MPHOSPH9: variants seen among roughly 807,000 people sequenced by gnomAD.
MPHOSPH9 encodes the protein M-phase phosphoprotein 9.
In MPHOSPH9, 88 loss-of-function variants were observed where a neutral mutation model predicts 145.5. The observed-to-expected ratio is 0.60, with a 90% CI of 0.51 to 0.72. The LOEUF is 0.72. Among genes scored for constraint, MPHOSPH9 ranks in the 30% least tolerant of loss-of-function variants. The pLI, the probability that MPHOSPH9 is intolerant of heterozygous loss-of-function variation, is 0.00. For synonymous variants in MPHOSPH9, 435 were observed against 486.2 expected, an observed-to-expected ratio of 0.89 and a Z score of 1.39; for missense variants, 1,238 against 1,386.6, an observed-to-expected ratio of 0.89 and a Z score of 1.70.
upstream of MPHOSPH9, chr12:123,233,361 G>T (rs997164591): frequency 6.6e-6 from 1 of 152,294 alleles, no homozygotes; most frequent in Non-Finnish European, 1.5e-5. Context: ...AGGGAAAGAA[G>T]CTTCAGTTTC....
In MPHOSPH9 at chr12:123,159,131, C is replaced by A. The variant is rs1168109670; in HGVS notation, c.3450+1650G>T. Among the ~76,000 whole-genome samples, 1 of 152,132 alleles carries A rather than the reference C, an allele frequency of 6.6e-6. No homozygotes were observed. The highest frequency in any genetic ancestry group is 1.5e-5 in the Non-Finnish European group (1 of 68,002). The stretch of plus-strand genomic sequence containing the variant: ...AAGATTAGCCAAGACAACCCCACAC[C>A]TTTTAAAAAATGATCACATTGGCAG... On this transcript the variant is annotated intron_variant, in intron 23 of 23. Transcript: ENST00000606320. The surrounding 1 kb of genome is among the most constrained non-coding windows in gnomAD (Gnocchi z 4.3).
rs760965085 is a variant in MPHOSPH9 at position 123,199,788 on chromosome 12, C to CA, written c.1938-1455dup. Among the ~76,000 whole-genome samples, 724 of 83,238 alleles carry CA rather than the reference C, an allele frequency of 8.7e-3. 18 individuals are homozygous for CA. The highest frequency in any genetic ancestry group is 0.043 in the Admixed American group (320 of 7,368). The allele number at this position is 83,238 out of a possible 152,430, so 54.6% of individuals were successfully genotyped here. ...AGCCTAGGCGACAGAGACTCCATCT[C>CA]AAAAAAAAAAAAAAAGAAAGAAAGA... On this transcript the variant is annotated intron_variant, in intron 11 of 23. Coordinates refer to ENST00000606320, the MANE Select transcript of MPHOSPH9 (RefSeq NM_022782.4).
intron 12 of MPHOSPH9, among the ~76,000 whole-genome samples, chr12:123,197,512 G>A (rs551702292): frequency 4.6e-5 from 7 of 152,058 alleles, no homozygotes; most frequent in South Asian, 2.1e-4. Context: ...GGCCAGGTGC[G>A]GTGGCTCACA....
chr12:123,214,400 G>T (rs921850934), intron 7 of MPHOSPH9, among the ~76,000 whole-genome samples: 1 of 152,090 alleles, frequency 6.6e-6, no homozygotes, highest in African/African-American at 2.4e-5. Context: ...GCTGGGCATG[G>T]TGACACCGCC....
intron 15 of MPHOSPH9, among the ~76,000 whole-genome samples, chr12:123,177,098 G>C (rs531403387): frequency 1.4e-4 from 22 of 152,040 alleles, no homozygotes; most frequent in African/African-American, 5.1e-4. Context: ...GCTGAGGCAG[G>C]AGAATCACTT....
chr12:123,215,290 C>T (rs2046910640), intron 6 of MPHOSPH9, among the ~76,000 whole-genome samples: 1 of 151,430 alleles, frequency 6.6e-6, no homozygotes, highest in Non-Finnish European at 1.5e-5. Flanking sequence ...AGAATGCTAA[C>T]TGATAGGAAT....
chr12:123,155,447 A>G lies in MPHOSPH9; in HGVS notation c.*1360T>C, dbSNP rs963488790. On this transcript the variant is annotated 3_prime_UTR_variant, in exon 24 of 24. Transcript: ENST00000606320. ...GTCATTTGAGAGCCTGCTTGGAATA[A>G]CTGGGATGGCTTGGTTCATTCTAAC... is the stretch of plus-strand genomic sequence containing the variant. 2 of 152,158 alleles carry G rather than the reference A, an allele frequency of 1.3e-5. No individual in the cohort carries two copies. Among genetic ancestry groups the G allele is most frequent in the African/African-American group, 4.8e-5 (2 of 41,432 alleles). 9.4% of individuals were successfully genotyped at this position (152,158 alleles called of 1,614,324 possible).
Position 123,214,763 on chromosome 12 carries a change from C to T in MPHOSPH9, c.1068G>A (p.Trp356Ter). The T allele has an allele frequency of 2.5e-6, 4 of 1,612,426 alleles. No homozygotes were observed. Among genetic ancestry groups the T allele is most frequent in the Non-Finnish European group, 3.4e-6 (4 of 1,178,674 alleles). ...LSKPDETPNA[W>*]MSDSGTGLTY... ...TCATACCTGTTCCTGAATCAGACAT[C>T]CAAGCATTTGGAGTTTCATCTGGTT... The change falls in exon 7 of 24, where the codon TGG (tryptophan) becomes TGA (stop). Residue 356 changes from tryptophan to a stop codon, truncating the protein, a stop_gained. Coordinates refer to ENST00000606320, the MANE Select transcript of MPHOSPH9 (RefSeq NM_022782.4). LOFTEE classifies it high-confidence loss of function.
intron 5 of MPHOSPH9, among the ~76,000 whole-genome samples, chr12:123,219,024 T>A (rs1378415704): frequency 1.3e-5 from 2 of 151,866 alleles, no homozygotes; most frequent in African/African-American, 4.8e-5. Flanking sequence ...CACCTCAGCC[T>A]CCCTAGTAGA....
chr12:123,225,823 G>T (rs2047417394), intron 3 of MPHOSPH9, among the ~76,000 whole-genome samples: 1 of 152,104 alleles, frequency 6.6e-6, no homozygotes, highest in Admixed American at 6.6e-5. Context: ...ATTACCTGAG[G>T]TCAGGAGTTC....
In MPHOSPH9 at chr12:123,156,211, T is replaced by C. The variant is rs1344212997; in HGVS notation, c.*596A>G. 1 of 152,146 alleles carries C rather than the reference T, an allele frequency of 6.6e-6. No homozygotes were observed. Among genetic ancestry groups the C allele is most frequent in the African/African-American group, 2.4e-5 (1 of 41,408 alleles). The allele number at this position is 152,146 out of a possible 1,614,324, so 9.4% of individuals were successfully genotyped here. A position where few individuals can be genotyped will look rare whatever the true frequency, so the allele number is the denominator to read the frequency against. On this transcript the variant is annotated 3_prime_UTR_variant, in exon 24 of 24. Transcript: ENST00000606320. ...CTTTTTTCTCTTACAGACAATAAAG[T>C]TTAAAGAAAATGAGTTATATTCATG...
intron 13 of MPHOSPH9, among the ~76,000 whole-genome samples, chr12:123,184,498 AT>A (rs35180953): frequency 0.79 from 115,137 of 145,514 alleles, 45,502 homozygotes; most frequent in East Asian, 0.99. Flanking sequence ...CTTTAATTTA[AT>A]TTTTTTTTTT....
chr12:123,177,157 C>T (rs1016960790), intron 15 of MPHOSPH9, among the ~76,000 whole-genome samples: 11 of 151,572 alleles, frequency 7.3e-5, no homozygotes, highest in Admixed American at 3.3e-4. Context: ...ACCAGCCTGG[C>T]GACAGAGTGA....
chr12:123,232,725 C>T (rs565742673), intron 1 of MPHOSPH9, among the ~76,000 whole-genome samples: 61 of 152,234 alleles, frequency 4.0e-4, no homozygotes, highest in African/African-American at 1.4e-3. Context: ...CGGAGAAAAG[C>T]CACCGCTCCT....
Position 123,166,799 on chromosome 12 carries a change from T to G in MPHOSPH9, c.2457-10A>C, listed in dbSNP as rs372236784. On this transcript the variant is annotated splice_polypyrimidine_tract_variant and intron_variant, in intron 16 of 23. Coordinates refer to ENST00000606320, the MANE Select transcript of MPHOSPH9 (RefSeq NM_022782.4). ...TGAAGTTGCTAGTGTGCTATTAGAA[T>G]GAAAACGGTCAGGCATTATAAAGGT... 19 of 1,609,388 alleles carry G rather than the reference T, an allele frequency of 1.2e-5. No homozygotes were observed. The African/African-American group carries it at 2.0e-4, about 17-fold the overall frequency.
At chr12:123,233,640 C>G (rs540672665), upstream of MPHOSPH9, 13 of 152,302 alleles carry the variant, frequency 8.5e-5, no homozygotes, top group Admixed American at 2.6e-4. Context: ...GACTTGCGAC[C>G]CCGAGTGGCG....
intron 21 of MPHOSPH9, among the ~76,000 whole-genome samples, chr12:123,161,784 G>A (rs2044119533): frequency 6.6e-6 from 1 of 151,520 alleles, no homozygotes; most frequent in African/African-American, 2.4e-5. Flanking sequence ...TTGTCTTATA[G>A]CTTTATTCCA....
chr12:123,233,356 A>C (rs903772741), upstream of MPHOSPH9: 14 of 152,332 alleles, frequency 9.2e-5, no homozygotes, highest in African/African-American at 3.4e-4. Flanking sequence ...CCACGAGGGA[A>C]AGAAGCTTCA....
chr12:123,161,282 A>G lies in MPHOSPH9; in HGVS notation c.3235T>C (p.Trp1079Arg). The G allele has an allele frequency of 6.2e-7, 1 of 1,614,104 alleles. No individual in the cohort carries two copies. The highest frequency in any genetic ancestry group is 1.1e-5 in the South Asian group (1 of 91,072). The change falls in exon 22 of 24, where the codon TGG becomes CGG. Residue 1079 changes from tryptophan to arginine, a missense_variant. Trp to Arg is a moderately radical substitution (Grantham distance 101). This residue lies in a region of MPHOSPH9 where 393 missense variants were observed against 462.5 expected (regional missense o/e 0.85). Transcript: ENST00000606320. ...GVKKVSVRTA[W>R]EKNKSVSYEQ... ...TAGCTAACTGATTTATTCTTCTCCCAGGCTGTTCTCACAGATACTTTCTTC... is the reference window on the plus strand; with the variant it reads ...TAGCTAACTGATTTATTCTTCTCCCGGGCTGTTCTCACAGATACTTTCTTC...
Sources: gnomAD v4.1 joint callset for allele counts (sites outside exome capture counted in the v4.1 genomes callset) on GRCh38, gnomAD v4.1.1 for gene constraint, gnomAD v4.1.1 regional missense constraint, Gnocchi (gnomAD v3.1) non-coding constraint, MANE v1.5 for transcripts, NCBI Gene and HGNC (gene_info 2026-07-23, HGNC 2026-07-21) for gene names.